Variants in PTPRD observed in about 807,000 individuals in gnomAD.
PTPRD encodes the protein receptor-type tyrosine-protein phosphatase delta.
In PTPRD, 34 loss-of-function variants were observed where a neutral mutation model predicts 214.5. The ratio of observed to expected loss-of-function variants is 0.16; its 90% confidence interval spans 0.12 to 0.21. PTPRD has a LOEUF of 0.21. Ranked by LOEUF, PTPRD falls within the 10% of genes least tolerant of loss-of-function variation. The pLI is 1.00. For synonymous variants in PTPRD, 1,128 were observed against 845.7 expected (o/e 1.33, Z -5.79); for missense variants, 2,545 against 2,398.7 (o/e 1.06, Z -1.27).
rs527580583 is a variant in PTPRD at position 10,539,689 on chromosome 9, T to A, written c.-600+72709A>T. Among the ~76,000 whole-genome samples, 18 of 152,290 alleles carry A rather than the reference T, an allele frequency of 1.2e-4. No individual in the cohort carries two copies. The South Asian group carries it at 3.3e-3, about 28-fold the overall frequency. Reference sequence around the variant, plus strand: ...TGAGCACACAAGCCCCTCATCTTAGTTCCACCCACTAACCACTATTAAAAC... The same window carrying A: ...TGAGCACACAAGCCCCTCATCTTAGATCCACCCACTAACCACTATTAAAAC... On this transcript the variant is annotated intron_variant, in intron 2 of 45. Coordinates refer to ENST00000381196, the MANE Select transcript of PTPRD (RefSeq NM_002839.4).
chr9:9,409,720 C>G (rs1451448078), intron 8 of PTPRD, among the ~76,000 whole-genome samples: 2 of 152,168 alleles, frequency 1.3e-5, no homozygotes, highest in African/African-American at 4.8e-5. Flanking sequence ...AAGCCCAGGA[C>G]TGGTTACTTT....
At chr9:8,910,876 GAAAT>G (rs2098742058) in intron 11 of PTPRD, among the ~76,000 whole-genome samples, 1 of 152,144 alleles carries the variant, frequency 6.6e-6, no homozygotes, top group Admixed American at 6.5e-5. Flanking sequence ...AAAACACTCA[GAAAT>G]AAATTGAACA....
intron 11 of PTPRD, among the ~76,000 whole-genome samples, chr9:8,823,801 G>A (rs1024209358): frequency 6.6e-6 from 1 of 152,106 alleles, no homozygotes. Flanking sequence ...AAAGATTAAC[G>A]GTGAGTTTGC....
intron 3 of PTPRD, among the ~76,000 whole-genome samples, chr9:10,238,685 T>A (rs145457261): frequency 6.6e-6 from 1 of 152,106 alleles, no homozygotes; most frequent in African/African-American, 2.4e-5. Flanking sequence ...GAAAATCCTA[T>A]CTAAAAATTG....
In PTPRD at chr9:9,424,980, G is replaced by A. The variant is rs184892469; in HGVS notation, c.-236-27498C>T. Among the ~76,000 whole-genome samples the A allele has an allele frequency of 1.8e-3, 271 of 152,260 alleles. 1 individual carries two copies. The highest frequency in any genetic ancestry group is 6.3e-3 in the African/African-American group (261 of 41,542). On this transcript the variant is annotated intron_variant, in intron 8 of 45. Coordinates refer to ENST00000381196, the MANE Select transcript of PTPRD (RefSeq NM_002839.4). ...TAAAGCTGGACTGGGTCTGTGACTT[G>A]CTTTGACCGGTAGATTTCAGCAGAA...
intron 9 of PTPRD, among the ~76,000 whole-genome samples, chr9:9,286,555 T>C (rs547131701): frequency 2.3e-4 from 35 of 151,724 alleles, no homozygotes; most frequent in Admixed American, 8.6e-4. Flanking sequence ...GTTTTTCTAA[T>C]TACTTTTTCC....
chr9:9,073,303 C>G (rs995246885), intron 10 of PTPRD, among the ~76,000 whole-genome samples: 1 of 152,244 alleles, frequency 6.6e-6, no homozygotes, highest in Non-Finnish European at 1.5e-5. Flanking sequence ...ATCAGATGAT[C>G]TGGCTTTCAA....
intron 9 of PTPRD, among the ~76,000 whole-genome samples, chr9:9,257,065 C>CAAT (rs2099978029): frequency 6.6e-6 from 1 of 151,892 alleles, no homozygotes; most frequent in African/African-American, 2.4e-5. Flanking sequence ...GTAAAACCTC[C>CAAT]AATAAGAAAT....
At chr9:10,084,845 C>T (rs966615379) in intron 3 of PTPRD, among the ~76,000 whole-genome samples, 1 of 151,848 alleles carries the variant, frequency 6.6e-6, no homozygotes, top group East Asian at 1.9e-4. Context: ...TTTAGTTCAA[C>T]ACAGCATGCT....
At chr9:10,487,367 C>G (rs114719195) in intron 2 of PTPRD, among the ~76,000 whole-genome samples, 1 of 152,146 alleles carries the variant, frequency 6.6e-6, no homozygotes, top group Non-Finnish European at 1.5e-5. Flanking sequence ...CTGATCTTCT[C>G]TTCCTTCTTT....
chr9:10,414,340 C>A (rs1465066370), intron 2 of PTPRD, among the ~76,000 whole-genome samples: 2 of 151,912 alleles, frequency 1.3e-5, no homozygotes, highest in Non-Finnish European at 2.9e-5. Flanking sequence ...ATGAAAAAAG[C>A]TCAATATTAC....
chr9:10,593,425 A>T (rs548152319), intron 2 of PTPRD, among the ~76,000 whole-genome samples: 2 of 152,208 alleles, frequency 1.3e-5, no homozygotes, highest in African/African-American at 4.8e-5. Flanking sequence ...AAATTCCTAC[A>T]ATTAAAAAGG....
rs112394540 is a variant in PTPRD at position 8,564,913 on chromosome 9, G to A, written c.353-36134C>T. Among the ~76,000 whole-genome samples, 147 of 152,258 alleles carry A rather than the reference G, an allele frequency of 9.7e-4. 1 individual carries two copies. Among genetic ancestry groups the A allele is most frequent in the African/African-American group, 3.4e-3 (140 of 41,532 alleles). On this transcript the variant is annotated intron_variant, in intron 14 of 45. Coordinates refer to ENST00000381196, the MANE Select transcript of PTPRD (RefSeq NM_002839.4). ...AATATTAATCCATGCTAGCCACATT[G>A]TAAGTGTTAAAATGGAAAGAAATCA...
chr9:9,726,357 G>A (rs533398553), intron 7 of PTPRD, among the ~76,000 whole-genome samples: 1 of 152,158 alleles, frequency 6.6e-6, no homozygotes, highest in African/African-American at 2.4e-5. Context: ...AAGAAATGAA[G>A]ATAAAGTGGG....
intron 11 of PTPRD, among the ~76,000 whole-genome samples, chr9:8,852,485 T>G (rs1210714817): frequency 6.6e-6 from 1 of 152,212 alleles, no homozygotes; most frequent in Non-Finnish European, 1.5e-5. Flanking sequence ...TTACATTTTG[T>G]TGTAAATGCT....
At chr9:9,581,837 T>C (rs1480616828) in intron 7 of PTPRD, among the ~76,000 whole-genome samples, 1 of 152,150 alleles carries the variant, frequency 6.6e-6, no homozygotes, top group East Asian at 1.9e-4. Flanking sequence ...ATAATGCTTG[T>C]TAAGTAATTT....
chr9:9,480,182 T>C (rs2095344806), intron 8 of PTPRD, among the ~76,000 whole-genome samples: 1 of 152,172 alleles, frequency 6.6e-6, no homozygotes, highest in Non-Finnish European at 1.5e-5. Context: ...CAAGGGTGCA[T>C]GGATAAAATG....
intron 3 of PTPRD, among the ~76,000 whole-genome samples, chr9:10,084,345 A>G (rs2098293395): frequency 6.6e-6 from 1 of 152,008 alleles, no homozygotes; most frequent in Admixed American, 6.6e-5. Flanking sequence ...TAACTTTCAA[A>G]TAATGAGGTA....
intron 9 of PTPRD, among the ~76,000 whole-genome samples, chr9:9,384,282 G>A (rs1468126174): frequency 7.4e-6 from 1 of 134,842 alleles, no homozygotes; most frequent in Non-Finnish European, 1.5e-5. Context: ...AATTTTGTGT[G>A]CAGTTTACGT....
Sources: gnomAD v4.1 joint callset for allele counts (sites outside exome capture counted in the v4.1 genomes callset) on GRCh38, gnomAD v4.1.1 for gene constraint, MANE v1.5 for transcripts, NCBI Gene and HGNC (gene_info 2026-07-23, HGNC 2026-07-21) for gene names.